The following NRAP variants were observed in gnomAD, a reference collection of about 807,000 sequenced individuals.
NRAP encodes the protein nebulin related anchoring protein, also known as nebulin-related-anchoring protein.
NRAP carries 189 observed loss-of-function variants against 225.9 expected under a neutral mutation model. The ratio of observed to expected loss-of-function variants is 0.84; its 90% CI spans 0.74 to 0.94. The LOEUF is 0.94. NRAP is among the 40% of genes least tolerant of loss of function. NRAP has a pLI of 0.00. For synonymous variants in NRAP, 769 were observed against 790.7 expected (o/e 0.97, Z 0.46); for missense variants, 2,176 against 2,168.7 (o/e 1.00, Z -0.07).
At chr10:113,647,694 C>T (rs1018472964) in intron 9 of NRAP, among the ~76,000 whole-genome samples, 1 of 151,980 alleles carries the variant, frequency 6.6e-6, no homozygotes, top group Non-Finnish European at 1.5e-5. Flanking sequence ...CCCGGTGGTA[C>T]TGTCTCCCCC....
At chr10:113,655,935 T>A (rs957372120) in intron 4 of NRAP, among the ~76,000 whole-genome samples, 5 of 152,118 alleles carry the variant, frequency 3.3e-5, no homozygotes, top group African/African-American at 1.2e-4. Flanking sequence ...AAAATAAAAT[T>A]CTAAGCCCCC....
chr10:113,631,601 T>G lies in NRAP; in HGVS notation c.1750A>C (p.Lys584Gln). Residue 584 changes from lysine to glutamine, a missense_variant, in exon 18 of 42, where the codon AAA (lysine) becomes CAA (glutamine). Lys to Gln is a moderately conservative substitution (Grantham distance 53, BLOSUM62 1). Around this residue, in one of 3 missense-constraint regions of NRAP, gnomAD observed 1,708 missense variants for 1,695.5 expected, o/e 1.01. Transcript: ENST00000359988. Reference protein sequence around the residue: ...SGELASNIKYKEEYEKTKGKA... With the variant: ...SGELASNIKYQEEYEKTKGKA... Reference sequence around the variant, plus strand: ...CCTTTTGTCTTTTCATATTCTTCTTTATATTTAATCTTGAGAGAAAGAAGA... The same window carrying G: ...CCTTTTGTCTTTTCATATTCTTCTTGATATTTAATCTTGAGAGAAAGAAGA... The G allele has an allele frequency of 6.2e-7, 1 of 1,603,874 alleles. No individual in the cohort carries two copies. The highest frequency in any genetic ancestry group is 2.2e-5 in the East Asian group (1 of 44,838).
intron 3 of NRAP, among the ~76,000 whole-genome samples, chr10:113,660,341 C>T (rs1220376023): frequency 6.6e-6 from 1 of 151,886 alleles, no homozygotes. Context: ...CACCTACATA[C>T]ACACATATAC....
intron 11 of NRAP, among the ~76,000 whole-genome samples, chr10:113,644,438 A>G (rs531799360): frequency 6.6e-6 from 1 of 152,356 alleles, no homozygotes; most frequent in East Asian, 1.9e-4. Flanking sequence ...GTCAATTATT[A>G]TACTCAACTC....
Position 113,588,990 on chromosome 10 carries a change from C to CTTCTTCTT in NRAP, c.5170_5177dup (p.Ala1727ArgfsTer13). ...TGGACATGGCTCACAACAGCAGGGC[C>CTTCTTCTT]TTCTTCTTTTTGACGTGCAGAATCT... On this transcript the variant is annotated frameshift_variant, in exon 42 of 42. Coordinates refer to ENST00000359988, the MANE Select transcript of NRAP (RefSeq NM_198060.4). LOFTEE classifies it high-confidence loss of function. The CTTCTTCTT allele has an allele frequency of 6.2e-7, 1 of 1,608,262 alleles. No individual in the cohort carries two copies. Among genetic ancestry groups the CTTCTTCTT allele is most frequent in the Non-Finnish European group, 8.5e-7 (1 of 1,179,328 alleles).
At chr10:113,648,467 C>CTATA (rs1554867329) in intron 9 of NRAP, among the ~76,000 whole-genome samples, 1,147 of 87,290 alleles carry the variant, frequency 0.013, 23 homozygotes, top group African/African-American at 0.029. Context: ...CTCTCTCTCT[C>CTATA]TATATATATA....
chr10:113,657,189 C>G (rs1850360373), intron 4 of NRAP, among the ~76,000 whole-genome samples: 1 of 151,992 alleles, frequency 6.6e-6, no homozygotes, highest in African/African-American at 2.4e-5. Flanking sequence ...AAGGGTGGAG[C>G]TGAGTGAAGT....
intron 32 of NRAP, among the ~76,000 whole-genome samples, chr10:113,606,599 C>A (rs1398017659): frequency 1.3e-5 from 2 of 152,146 alleles, no homozygotes; most frequent in East Asian, 3.8e-4. Context: ...GAGGACAGAG[C>A]ATAAAGATCA....
rs774744722 is a variant in NRAP at position 113,653,035 on chromosome 10, T to A, written c.470A>T (p.Tyr157Phe). The change falls in exon 6 of 42, where the codon TAT (tyrosine) becomes TTT (phenylalanine). Residue 157 changes from tyrosine (Y) to phenylalanine (F), a missense_variant. Around this residue, in one of 3 missense-constraint regions of NRAP, gnomAD observed 1,708 missense variants for 1,695.5 expected, o/e 1.01. Transcript: ENST00000359988. ...VEARKSLGEE[Y>F]TEDYEQPRGK... ...CCTGGGTTGCTCATAGTCTTCTGTA[T>A]ATTCCTGTTGGTCAGAACCAATGTC... The A allele has an allele frequency of 5.1e-6, 8 of 1,582,550 alleles. No individual in the cohort carries two copies. Among genetic ancestry groups the A allele is most frequent in the Non-Finnish European group, 8.6e-7 (1 of 1,162,758 alleles).
intron 35 of NRAP, among the ~76,000 whole-genome samples, chr10:113,603,918 C>T (rs1846763864): frequency 6.6e-6 from 1 of 152,140 alleles, no homozygotes; most frequent in South Asian, 2.1e-4. Context: ...ACACTCACAC[C>T]TCCTGCCCCA....
chr10:113,654,180 A>G, intron 4 of NRAP, 55 bp from the exon 5 acceptor site: 3 of 957,356 alleles, frequency 3.1e-6, no homozygotes, highest in East Asian at 4.8e-5. Context: ...TCCCAGCAAC[A>G]CTTACATACA....
At chr10:113,617,657 C>A (rs1847749215) in intron 25 of NRAP, 104 bp from the exon 26 acceptor site, 1 of 748,330 alleles carries the variant, frequency 1.3e-6, no homozygotes, top group African/African-American at 1.7e-5. Context: ...AATTTGTGAA[C>A]ACAATTATTA....
intron 12 of NRAP, among the ~76,000 whole-genome samples, chr10:113,642,196 A>G (rs1849241615): frequency 6.6e-6 from 1 of 152,088 alleles, no homozygotes; most frequent in Admixed American, 6.6e-5. Flanking sequence ...TATGAGGGGG[A>G]AGGAACTATT....
intron 26 of NRAP, among the ~76,000 whole-genome samples, chr10:113,616,034 A>G (rs1183462573): frequency 2.0e-5 from 3 of 152,216 alleles, no homozygotes; most frequent in African/African-American, 7.2e-5. Flanking sequence ...AAGCTGAAGC[A>G]TTCCCCTCAG....
At chr10:113,634,249 T>A (rs1192264219) in intron 14 of NRAP, 39 bp from the exon 15 acceptor site, 5 of 1,423,542 alleles carry the variant, frequency 3.5e-6, no homozygotes, top group Non-Finnish European at 4.0e-6. Context: ...CATTTGCTCT[T>A]TTCTCAAAGA....
intron 31 of NRAP, 105 bp downstream of exon 31, chr10:113,610,354 T>TAA (rs35334254): frequency 5.4e-3 from 2,153 of 396,270 alleles, no homozygotes; most frequent in South Asian, 6.7e-3. Context: ...CATCTCAAAT[T>TAA]AAAAAAAAAA....
At chr10:113,663,124 G>A (rs1278888911) in intron 2 of NRAP, among the ~76,000 whole-genome samples, 2 of 152,154 alleles carry the variant, frequency 1.3e-5, no homozygotes, top group Non-Finnish European at 2.9e-5. Context: ...TTTGACATGA[G>A]GTTATAGTGG....
At position 113,597,088 on chromosome 10, in the gene NRAP, C is replaced by G; in HGVS notation, c.4429G>C (p.Glu1477Gln). 2 of 1,604,960 alleles carry G rather than the reference C, an allele frequency of 1.2e-6. No individual in the cohort carries two copies. Among genetic ancestry groups the G allele is most frequent in the Admixed American group, 3.3e-5 (2 of 60,010 alleles). Residue 1477 changes from glutamate to glutamine, a missense_variant and splice_region_variant, in exon 37 of 42, where the codon GAG (glutamate) becomes CAG (glutamine). By Grantham distance (29) the Glu-to-Gln change is conservative. Coordinates refer to ENST00000359988, the MANE Select transcript of NRAP (RefSeq NM_198060.4). ...HAKNSYMHCN[E>Q]RMYRSGDAES... ...ATGAATGACAAGAAAGGACCCACCT[C>G]ATTGCAGTGCATATAGCTGTTCTTG... is the stretch of plus-strand genomic sequence containing the variant.
intron 32 of NRAP, among the ~76,000 whole-genome samples, chr10:113,607,221 A>AAAAAC (rs747480413): frequency 2.7e-5 from 4 of 149,096 alleles, no homozygotes; most frequent in Non-Finnish European, 4.5e-5. Flanking sequence ...ACAAACAAAC[A>AAAAAC]AAAACAAAAC....
Sources: gnomAD v4.1 joint callset for allele counts (sites outside exome capture counted in the v4.1 genomes callset) on GRCh38, gnomAD v4.1.1 for gene constraint, gnomAD v4.1.1 regional missense constraint, MANE v1.5 for transcripts, NCBI Gene and HGNC (gene_info 2026-07-23, HGNC 2026-07-21) for gene names.